The following DRC11 variants were observed in gnomAD, a reference collection of about 807,000 sequenced individuals.
The protein encoded by DRC11 is dynein regulatory complex subunit 11.
chr2:236,357,068 A>ATATATTATATATATATTTTATATATTCG, the DRC11 span, among the ~76,000 whole-genome samples: 2 of 56,382 alleles, frequency 3.5e-5, no homozygotes, highest in East Asian at 3.3e-4. Flanking sequence ...TTATATATTC[A>ATATATTATATATATATTTTATATATTCG]TATATTATAT....
chr2:236,491,176 TA>T, the DRC11 span, among the ~76,000 whole-genome samples: 2 of 58,254 alleles, frequency 3.4e-5, no homozygotes, highest in African/African-American at 1.8e-4. Flanking sequence ...TATATATATA[TA>T]TATACACACA....
the DRC11 span, among the ~76,000 whole-genome samples, chr2:236,384,601 T>C: frequency 1.3e-5 from 2 of 152,262 alleles, no homozygotes; most frequent in African/African-American, 4.8e-5. Flanking sequence ...TTTCTCCCAT[T>C]TCGTAGGTTG....
the DRC11 span, among the ~76,000 whole-genome samples, chr2:236,318,646 G>A: frequency 6.6e-6 from 1 of 152,032 alleles, no homozygotes; most frequent in Non-Finnish European, 1.5e-5. The surrounding 1 kb of genome is among the most constrained non-coding windows in gnomAD (Gnocchi z 7.0). Flanking sequence ...GTGTTTGTAT[G>A]TGTGCATGTG....
chr2:236,462,447 G>A, the DRC11 span, among the ~76,000 whole-genome samples: 11 of 152,266 alleles, frequency 7.2e-5, no homozygotes, highest in South Asian at 2.3e-3. The surrounding 1 kb of genome is among the most constrained non-coding windows in gnomAD (Gnocchi z 6.4). Flanking sequence ...CGAGGCGGGT[G>A]GATCACTTGA....
chr2:236,471,281 T>G, the DRC11 span, among the ~76,000 whole-genome samples: 1 of 146,868 alleles, frequency 6.8e-6, no homozygotes, highest in African/African-American at 2.5e-5. This position sits in a 1 kb window ranked among gnomAD's most constrained non-coding sequence, Gnocchi z 4.6. Context: ...ATAGGTTTCC[T>G]CTGACTTAAA....
At chr2:236,357,420 A>G in the DRC11 span, among the ~76,000 whole-genome samples, 1 of 125,218 alleles carries the variant, frequency 8.0e-6, no homozygotes, top group Non-Finnish European at 1.6e-5. Flanking sequence ...TATATTATAA[A>G]TAATTTACAT....
the DRC11 span, chr2:236,333,212 A>G: frequency 6.6e-6 from 1 of 152,176 alleles, no homozygotes; most frequent in African/African-American, 2.4e-5. The surrounding 1 kb of genome is among the most constrained non-coding windows in gnomAD (Gnocchi z 6.0). Flanking sequence ...TTCATTCTAT[A>G]TTGCACTGAA....
chr2:236,318,577 T>TTG, the DRC11 span, among the ~76,000 whole-genome samples: 2 of 151,674 alleles, frequency 1.3e-5, no homozygotes, highest in Admixed American at 6.6e-5. The surrounding 1 kb of genome is among the most constrained non-coding windows in gnomAD (Gnocchi z 7.0). Context: ...ATGTGTGTGT[T>TTG]TGTGTGTACA....
At chr2:236,342,292 G>C in the DRC11 span, among the ~76,000 whole-genome samples, 1 of 152,188 alleles carries the variant, frequency 6.6e-6, no homozygotes, top group Non-Finnish European at 1.5e-5. This position sits in a 1 kb window ranked among gnomAD's most constrained non-coding sequence, Gnocchi z 5.8. Flanking sequence ...GACAGAGGCC[G>C]GGGCAGGTGG....
the DRC11 span, among the ~76,000 whole-genome samples, chr2:236,493,067 G>A: frequency 6.6e-6 from 1 of 152,200 alleles, no homozygotes; most frequent in East Asian, 1.9e-4. Context: ...AGGTTTAATG[G>A]ACTCACAGTT....
chr2:236,476,088 A>AT, the DRC11 span, among the ~76,000 whole-genome samples: 377 of 151,748 alleles, frequency 2.5e-3, 1 homozygote, highest in Middle Eastern at 3.4e-3. The surrounding 1 kb of genome is among the most constrained non-coding windows in gnomAD (Gnocchi z 4.7). Context: ...GAATTTTAGA[A>AT]TTTTTTTTCT....
At chr2:236,433,068 G>A in the DRC11 span, among the ~76,000 whole-genome samples, 1 of 151,762 alleles carries the variant, frequency 6.6e-6, no homozygotes, top group Non-Finnish European at 1.5e-5. Context: ...ATTTCCGTAT[G>A]TATTTGGGTC....
chr2:236,357,003 T>TTC, the DRC11 span, among the ~76,000 whole-genome samples: 1 of 99,380 alleles, frequency 1.0e-5, no homozygotes, highest in Admixed American at 1.2e-4. Flanking sequence ...TATATATTTA[T>TTC]ATATTCATAT....
At chr2:236,455,637 G>C in the DRC11 span, among the ~76,000 whole-genome samples, 1 of 152,228 alleles carries the variant, frequency 6.6e-6, no homozygotes, top group Non-Finnish European at 1.5e-5. This position sits in a 1 kb window ranked among gnomAD's most constrained non-coding sequence, Gnocchi z 5.7. Context: ...CTACTGGGAA[G>C]ATGACAGACA....
At chr2:236,318,440 C>T in the DRC11 span, among the ~76,000 whole-genome samples, 1 of 152,026 alleles carries the variant, frequency 6.6e-6, no homozygotes. This position sits in a 1 kb window ranked among gnomAD's most constrained non-coding sequence, Gnocchi z 7.0. Context: ...TGTGTGTGAA[C>T]ACATGCATGT....
the DRC11 span, among the ~76,000 whole-genome samples, chr2:236,350,731 C>T: frequency 6.6e-6 from 1 of 152,216 alleles, no homozygotes; most frequent in Admixed American, 6.5e-5. The surrounding 1 kb of genome is among the most constrained non-coding windows in gnomAD (Gnocchi z 5.2). Flanking sequence ...ATTCCTTGAC[C>T]TGTACCGCTA....
At chr2:236,408,699 G>C in the DRC11 span, 1 of 717,456 alleles carries the variant, frequency 1.4e-6, no homozygotes, top group Non-Finnish European at 2.6e-6. The surrounding 1 kb of genome is among the most constrained non-coding windows in gnomAD (Gnocchi z 5.5). Flanking sequence ...CTCCTTCTTA[G>C]ATTTATGCCA....
the DRC11 span, among the ~76,000 whole-genome samples, chr2:236,452,843 T>C: frequency 6.6e-6 from 1 of 152,178 alleles, no homozygotes; most frequent in Non-Finnish European, 1.5e-5. The surrounding 1 kb of genome is among the most constrained non-coding windows in gnomAD (Gnocchi z 4.7). Context: ...TCCAACTTCC[T>C]TTTTTAAAAA....
chr2:236,456,203 T>C, the DRC11 span, among the ~76,000 whole-genome samples: 1 of 152,226 alleles, frequency 6.6e-6, no homozygotes, highest in Non-Finnish European at 1.5e-5. This position sits in a 1 kb window ranked among gnomAD's most constrained non-coding sequence, Gnocchi z 5.4. Flanking sequence ...TGCCACATAT[T>C]GTTCTAAGGG....
Sources: allele counts gnomAD v4.1 joint callset (sites outside exome capture counted in the v4.1 genomes callset), GRCh38; gene constraint gnomAD v4.1.1; non-coding constraint Gnocchi (gnomAD v3.1); transcripts MANE v1.5; gene names NCBI Gene and HGNC (gene_info 2026-07-23, HGNC 2026-07-21).